VPS13B: variants seen among roughly 807,000 people sequenced by gnomAD.
VPS13B encodes intermembrane lipid transfer protein VPS13B.
A neutral mutation model predicts 426.4 loss-of-function variants in VPS13B; 285 were observed. That is an observed-to-expected ratio of 0.67 (90% CI 0.61 to 0.74). VPS13B has a LOEUF of 0.74. VPS13B is among the 30% of genes least tolerant of loss of function. The pLI, the probability that VPS13B is intolerant of heterozygous loss-of-function variation, is 0.00. For missense variants in VPS13B, 4,537 were observed against 4,782.6 expected (o/e 0.95, Z 1.51); for synonymous variants, 1,676 against 1,676.4 (o/e 1.00, Z 0.01).
intron 31 of VPS13B, among the ~76,000 whole-genome samples, chr8:99,561,202 C>G (rs547729537): frequency 1.3e-5 from 2 of 152,304 alleles, no homozygotes; most frequent in Non-Finnish European, 2.9e-5. Flanking sequence ...CTCCCTCTTT[C>G]CAGTTCCTAG....
intron 3 of VPS13B, among the ~76,000 whole-genome samples, chr8:99,044,899 C>CACACACACACA (rs1843149766): frequency 6.9e-6 from 1 of 145,362 alleles, no homozygotes; most frequent in African/African-American, 2.6e-5. Context: ...CACACACACA[C>CACACACACACA]CACCCCCCGC....
intron 57 of VPS13B, among the ~76,000 whole-genome samples, chr8:99,860,155 C>T (rs1816762942): frequency 6.6e-6 from 1 of 152,124 alleles, no homozygotes; most frequent in Non-Finnish European, 1.5e-5. Context: ...GGCTTCTTCC[C>T]GTAAAAGGCA....
In VPS13B at chr8:99,628,506, A is replaced by G. The variant is rs369037846; in HGVS notation, c.5221-13305A>G. Among the ~76,000 whole-genome samples, 37 of 152,316 alleles carry G rather than the reference A, an allele frequency of 2.4e-4. No homozygotes were observed. The South Asian group carries it at 7.7e-3, about 32-fold the overall frequency. On this transcript the variant is annotated intron_variant, in intron 33 of 61. Transcript: ENST00000357162. Reference sequence around the variant, plus strand: ...TGTTTTCATTCATTTTACAAAACAAATATTTATGAAGCACCTAGTATGTGC... The same window carrying G: ...TGTTTTCATTCATTTTACAAAACAAGTATTTATGAAGCACCTAGTATGTGC...
At chr8:99,525,360 A>G (rs1292012312) in intron 30 of VPS13B, among the ~76,000 whole-genome samples, 2 of 152,142 alleles carry the variant, frequency 1.3e-5, no homozygotes, top group Admixed American at 6.5e-5. Flanking sequence ...GTTTAAAATA[A>G]TGGTGTATAT....
chr8:99,661,451 CT>C lies in VPS13B; in HGVS notation c.6009del (p.Phe2003LeufsTer2), dbSNP rs1357171752. 11 of 1,613,406 alleles carry C rather than the reference CT, an allele frequency of 6.8e-6. No individual in the cohort carries two copies. The highest frequency in any genetic ancestry group is 9.3e-6 in the Non-Finnish European group (11 of 1,179,798). On this transcript the variant is annotated frameshift_variant, in exon 35 of 62. Transcript: ENST00000357162. LOFTEE classifies it high-confidence loss of function. ...IDSKSGIPPS[F>X]ITLQIKDFLN... ...ACAGCAAAAGTGGTATTCCACCTTC[CT>C]TTATAACACTACAGATTAAAGACTT... is the stretch of plus-strand genomic sequence containing the variant.
intron 43 of VPS13B, among the ~76,000 whole-genome samples, chr8:99,805,878 G>C (rs2130775686): frequency 6.6e-6 from 1 of 152,248 alleles, no homozygotes; most frequent in South Asian, 2.1e-4. Context: ...GAAAAGCCTG[G>C]ATAGATTGAA....
chr8:99,576,492 T>G (rs1291085294), intron 32 of VPS13B, among the ~76,000 whole-genome samples: 2 of 151,974 alleles, frequency 1.3e-5, no homozygotes, highest in East Asian at 1.9e-4. Context: ...AGGAAAAAAT[T>G]GTTTAACCAA....
At chr8:99,114,015 T>C (rs1373607710) in intron 6 of VPS13B, among the ~76,000 whole-genome samples, 1 of 152,202 alleles carries the variant, frequency 6.6e-6, no homozygotes, top group Non-Finnish European at 1.5e-5. Context: ...GGGTACGTAA[T>C]TTATTTAACA....
At position 99,380,043 on chromosome 8, in the gene VPS13B, C is replaced by A. The variant is rs550065814; in HGVS notation, c.2825-4165C>A. On this transcript the variant is annotated intron_variant, in intron 19 of 61. Coordinates refer to ENST00000357162, the MANE Select transcript of VPS13B (RefSeq NM_152564.5). ...CAATTTTTCATATTGGGGGAAAATT[C>A]TCTTTCTTACATAGTAACTTTTTCG... is the stretch of plus-strand genomic sequence containing the variant. Among the ~76,000 whole-genome samples, 33 of 152,170 alleles carry A rather than the reference C, an allele frequency of 2.2e-4. No homozygotes were observed. In the South Asian group the frequency reaches 2.5e-3, roughly 11 times the overall value.
Position 99,366,788 on chromosome 8 carries a change from G to A in VPS13B, c.2825-17420G>A, listed in dbSNP as rs778620470. Reference sequence around the variant, plus strand: ...TTTTTTGATTTAATGTTACTATGAGGCATGCAAGTACTATCTTATAACGCA... The same window carrying A: ...TTTTTTGATTTAATGTTACTATGAGACATGCAAGTACTATCTTATAACGCA... On this transcript the variant is annotated intron_variant, in intron 19 of 61. Coordinates refer to ENST00000357162, the MANE Select transcript of VPS13B (RefSeq NM_152564.5). Among the ~76,000 whole-genome samples the A allele has an allele frequency of 4.0e-5, 6 of 151,592 alleles. No individual in the cohort carries two copies. In the East Asian group the frequency reaches 7.8e-4, roughly 20 times the overall value.
At chr8:99,699,953 G>A (rs1163462455) in intron 36 of VPS13B, 21 bp downstream of exon 36, 1 of 1,611,750 alleles carries the variant, frequency 6.2e-7, no homozygotes, top group African/African-American at 1.3e-5. Context: ...GAAAAGGGGA[G>A]GGGGGAGACA....
rs2132994812 is a variant in VPS13B at position 99,274,223 on chromosome 8, A to G, written c.2541A>G (p.Pro847=). Residue 847 remains proline, a synonymous_variant, in exon 18 of 62, where the codon CCA becomes CCG. Coordinates refer to ENST00000357162, the MANE Select transcript of VPS13B (RefSeq NM_152564.5). ...SIGVKSKNPL[P]TLEGSIQNVE... ...GTGTGAAATCTAAGAATCCCCTGCC[A>G]ACTCTTGAGGGCTCAATCCAGAATG... 8 of 1,614,170 alleles carry G rather than the reference A, an allele frequency of 5.0e-6. No individual in the cohort carries two copies. The highest frequency in any genetic ancestry group is 6.8e-6 in the Non-Finnish European group (8 of 1,180,030).
intron 17 of VPS13B, among the ~76,000 whole-genome samples, chr8:99,222,118 A>C (rs1174291163): frequency 6.6e-6 from 1 of 152,214 alleles, no homozygotes; most frequent in Admixed American, 6.5e-5. Flanking sequence ...AAGAAGGATG[A>C]CCTGTAGGCC....
At chr8:99,470,169 C>T (rs1054405324) in intron 24 of VPS13B, among the ~76,000 whole-genome samples, 1 of 152,154 alleles carries the variant, frequency 6.6e-6, no homozygotes, top group South Asian at 2.1e-4. Context: ...CTTCTTTAGA[C>T]ACTTTATCAC....
chr8:99,230,468 A>G (rs570898275), intron 17 of VPS13B, among the ~76,000 whole-genome samples: 1 of 152,272 alleles, frequency 6.6e-6, no homozygotes, highest in East Asian at 1.9e-4. Flanking sequence ...CAAAATATTG[A>G]CTTGCCTAAT....
intron 19 of VPS13B, among the ~76,000 whole-genome samples, chr8:99,321,787 A>G (rs1392478861): frequency 6.6e-6 from 1 of 152,218 alleles, no homozygotes; most frequent in East Asian, 1.9e-4. Flanking sequence ...TTCCTACTAT[A>G]TGAGAAATGT....
intron 17 of VPS13B, among the ~76,000 whole-genome samples, chr8:99,193,786 A>C (rs2132730894): frequency 6.6e-6 from 1 of 152,294 alleles, no homozygotes; most frequent in South Asian, 2.1e-4. Context: ...CTGACATCAT[A>C]ATTAGAGTTT....
At chr8:99,673,753 C>T (rs1430821179) in intron 35 of VPS13B, among the ~76,000 whole-genome samples, 1 of 151,854 alleles carries the variant, frequency 6.6e-6, no homozygotes, top group Non-Finnish European at 1.5e-5. Context: ...TGGAAAATTC[C>T]CCTCTTAGAA....
intron 23 of VPS13B, among the ~76,000 whole-genome samples, chr8:99,454,275 C>T (rs920896812): frequency 1.3e-5 from 2 of 152,112 alleles, no homozygotes; most frequent in Admixed American, 1.3e-4. Context: ...GCCTCAAACT[C>T]CTGTTCTCAA....
Sources: allele counts gnomAD v4.1 joint callset (sites outside exome capture counted in the v4.1 genomes callset), GRCh38; gene constraint gnomAD v4.1.1; transcripts MANE v1.5; gene names NCBI Gene and HGNC (gene_info 2026-07-23, HGNC 2026-07-21).